The following LNPEP variants were observed in gnomAD, a reference collection of about 807,000 sequenced individuals.
The protein encoded by LNPEP is leucyl and cystinyl aminopeptidase, also known as leucyl-cystinyl aminopeptidase.
Under a neutral mutation model 120.6 loss-of-function variants are expected in LNPEP, and 64 were observed. That is an observed-to-expected ratio of 0.53 (90% CI 0.43 to 0.65). The LOEUF (loss-of-function observed/expected upper bound fraction) is 0.65. Ranked by LOEUF, LNPEP falls within the 30% of genes least tolerant of loss-of-function variation. The pLI is 0.00. For synonymous variants in LNPEP, 435 were observed against 425.4 expected, an observed-to-expected ratio of 1.02 and a Z score of -0.28; for missense variants, 1,057 against 1,200.0, an observed-to-expected ratio of 0.88 and a Z score of 1.76.
At chr5:96,991,419 A>G (rs1390642326) in intron 4 of LNPEP, among the ~76,000 whole-genome samples, 1 of 152,154 alleles carries the variant, frequency 6.6e-6, no homozygotes, top group Non-Finnish European at 1.5e-5. Flanking sequence ...TTACATTCCC[A>G]CCAGCAGTGT....
At position 97,034,706 on chromosome 5, in the gene LNPEP, G is replaced by T. The variant is rs1468210307; in HGVS notation, c.*6173G>T. The T allele has an allele frequency of 6.6e-6, 1 of 151,950 alleles. No homozygotes were observed. Among genetic ancestry groups the T allele is most frequent in the Non-Finnish European group, 1.5e-5 (1 of 67,964 alleles). The allele number at this position is 151,950 out of a possible 1,614,324, so 9.4% of individuals were successfully genotyped here. On this transcript the variant is annotated 3_prime_UTR_variant, in exon 18 of 18. Transcript: ENST00000231368. ...AGGAGTGGGATTGTTGAGAGGAAAAGGCAAGATATATAATTTTTTTAATGT... is the reference window on the plus strand; with the variant it reads ...AGGAGTGGGATTGTTGAGAGGAAAATGCAAGATATATAATTTTTTTAATGT...
intron 17 of LNPEP, 106 bp downstream of exon 17, chr5:97,027,920 C>T (rs757408074): frequency 2.8e-6 from 2 of 714,874 alleles, no homozygotes; most frequent in Non-Finnish European, 5.1e-6. Flanking sequence ...AATTCCTTCT[C>T]TTATCTCTGT....
rs199540200 is a variant in LNPEP at position 96,998,048 on chromosome 5, T to C, written c.1556T>C (p.Met519Thr). 158 of 1,581,900 alleles carry C rather than the reference T, an allele frequency of 1.0e-4. No individual in the cohort carries two copies. Among genetic ancestry groups the C allele is most frequent in the Non-Finnish European group, 1.3e-4 (148 of 1,156,234 alleles). ...EDFLDARFKT[M>T]KKDSLNSSHP... ...TTCTTAGATGCTCGATTTAAAACCATGAAGAAAGATTCCTTAAATTCATCT... is the reference window on the plus strand; with the variant it reads ...TTCTTAGATGCTCGATTTAAAACCACGAAGAAAGATTCCTTAAATTCATCT... The change falls in exon 8 of 18, where the codon ATG (methionine) becomes ACG (threonine). Residue 519 changes from methionine to threonine, a missense_variant. Physicochemically the swap from Met to Thr is moderately conservative, Grantham distance 81. Transcript: ENST00000231368.
intron 1 of LNPEP, among the ~76,000 whole-genome samples, chr5:96,966,333 CA>C (rs1178216911): frequency 1.3e-5 from 2 of 151,846 alleles, no homozygotes; most frequent in Non-Finnish European, 2.9e-5. Flanking sequence ...CCTATCTCTA[CA>C]AAAATTTTTT....
intron 10 of LNPEP, 51 bp downstream of exon 10, chr5:97,006,284 A>C (rs1414259483): frequency 1.3e-6 from 2 of 1,483,052 alleles, no homozygotes; most frequent in Non-Finnish European, 1.8e-6. Context: ...CTCAGGTGGA[A>C]ATATTTTTAA....
chr5:97,014,907 A>G, intron 12 of LNPEP, 32 bp from the exon 13 acceptor site: 2 of 1,461,900 alleles, frequency 1.4e-6, no homozygotes, highest in Non-Finnish European at 1.8e-6. Flanking sequence ...GTGTCTCTGC[A>G]TATTTACTTT....
intron 9 of LNPEP, among the ~76,000 whole-genome samples, chr5:97,003,849 A>G: frequency 6.6e-6 from 1 of 151,478 alleles, no homozygotes; most frequent in African/African-American, 2.4e-5. Context: ...TCTCCGTATT[A>G]ATGAATATTA....
intron 12 of LNPEP, 71 bp downstream of exon 12, chr5:97,013,902 A>G: frequency 1.7e-6 from 2 of 1,162,570 alleles, no homozygotes; most frequent in Non-Finnish European, 2.4e-6. Context: ...ACATATATGA[A>G]AAACAGTTTG....
intron 4 of LNPEP, among the ~76,000 whole-genome samples, chr5:96,987,681 T>C (rs1162303719): frequency 6.6e-6 from 1 of 152,212 alleles, no homozygotes; most frequent in Non-Finnish European, 1.5e-5. Context: ...AAAAGTAAAC[T>C]AAGTTTTTAA....
intron 1 of LNPEP, among the ~76,000 whole-genome samples, chr5:96,944,273 A>G (rs1254775251): frequency 6.6e-6 from 1 of 152,214 alleles, no homozygotes; most frequent in South Asian, 2.1e-4. Context: ...TTGTCAATGA[A>G]AAGAGTCAAA....
intron 1 of LNPEP, among the ~76,000 whole-genome samples, chr5:96,968,091 A>G (rs185022324): frequency 1.4e-4 from 22 of 152,236 alleles, no homozygotes; most frequent in Admixed American, 9.2e-4. Context: ...TTGGAACTCA[A>G]TATTTCATCC....
At chr5:97,019,904 G>A (rs1791150626) in intron 13 of LNPEP, among the ~76,000 whole-genome samples, 1 of 152,128 alleles carries the variant, frequency 6.6e-6, no homozygotes, top group Non-Finnish European at 1.5e-5. Context: ...ACATAACAAT[G>A]CAGTTAGGTA....
At chr5:96,944,353 A>G (rs1287091781) in intron 1 of LNPEP, among the ~76,000 whole-genome samples, 2 of 152,130 alleles carry the variant, frequency 1.3e-5, no homozygotes, top group African/African-American at 4.8e-5. Flanking sequence ...CACAGTCTCA[A>G]GAAGTCCTGA....
At chr5:96,943,137 C>A in intron 1 of LNPEP, 1 of 503,002 alleles carries the variant, frequency 2.0e-6, no homozygotes, top group South Asian at 4.9e-5. Context: ...CAGATTACTT[C>A]CATCATTATT....
rs564507436 is a variant in LNPEP, at chr5:97,008,821, T to C, written c.2035+2306T>C. On this transcript the variant is annotated intron_variant, in intron 11 of 17. Transcript: ENST00000231368. ...CTGGGACTACAGGCGCCTGCCACCA[T>C]GCCCGGCTAATTTTTTATATTTTTA... 5.8e-3 allele frequency among the ~76,000 whole-genome samples: 875 copies of C among 152,012 alleles called. 6 individuals carry two copies. The highest frequency in any genetic ancestry group is 0.055 in the Middle Eastern group (16 of 292).
chr5:96,938,455 T>C (rs1396622275), intron 1 of LNPEP, among the ~76,000 whole-genome samples: 4 of 152,240 alleles, frequency 2.6e-5, no homozygotes, highest in African/African-American at 9.6e-5. Flanking sequence ...ACATATCTTT[T>C]AGTTAAAATC....
At chr5:96,944,091 T>A (rs1184990183) in intron 1 of LNPEP, among the ~76,000 whole-genome samples, 1 of 152,206 alleles carries the variant, frequency 6.6e-6, no homozygotes, top group Non-Finnish European at 1.5e-5. Flanking sequence ...TGGGAGCATT[T>A]CCCGGACAAC....
rs766690205 is a variant in LNPEP, at chr5:97,028,456, C to A, written c.3001C>A (p.Gln1001Lys). 1 of 1,613,880 alleles carries A rather than the reference C, an allele frequency of 6.2e-7. No individual in the cohort carries two copies. Among genetic ancestry groups the A allele is most frequent in the Non-Finnish European group, 8.5e-7 (1 of 1,179,790 alleles). ...SEATFRLRCV[Q>K]EALEVIQLNI... The stretch of plus-strand genomic sequence containing the variant: ...GGCAACCTTCCGGCTTCGTTGTGTC[C>A]AGGAGGCTTTGGAAGTCATTCAGTT... Residue 1001 changes from glutamine to lysine, a missense_variant, in exon 18 of 18, where the codon CAG becomes AAG. Transcript: ENST00000231368.
At chr5:96,985,977 C>G (rs1790233755) in intron 3 of LNPEP, among the ~76,000 whole-genome samples, 1 of 152,168 alleles carries the variant, frequency 6.6e-6, no homozygotes, top group African/African-American at 2.4e-5. Context: ...TCTAAAGAGG[C>G]AGATGCCTAC....
Sources: allele counts gnomAD v4.1 joint callset (sites outside exome capture counted in the v4.1 genomes callset), GRCh38; gene constraint gnomAD v4.1.1; transcripts MANE v1.5; gene names NCBI Gene and HGNC (gene_info 2026-07-23, HGNC 2026-07-21).